Variants in SEMA4F observed in about 807,000 individuals in gnomAD.
SEMA4F encodes ssemaphorin 4F, also known as semaphorin-4F.
Under a neutral mutation model 78.4 loss-of-function variants are expected in SEMA4F, and 51 were observed. The observed-to-expected ratio is 0.65, with a 90% CI of 0.52 to 0.82. The LOEUF (loss-of-function observed/expected upper bound fraction) is 0.82, where lower values mean the gene tolerates loss of function less well. Among genes scored for constraint, SEMA4F ranks in the 40% least tolerant of loss-of-function variants. SEMA4F has a pLI of 0.00. For missense variants in SEMA4F, 938 were observed against 1,014.4 expected, an observed-to-expected ratio of 0.92 and a Z score of 1.02; for synonymous variants, 418 against 408.7, an observed-to-expected ratio of 1.02 and a Z score of -0.27.
In SEMA4F at chr2:74,666,535, C is replaced by T. The variant is rs1573240826; in HGVS notation, c.550+3710C>T. 3.9e-5 allele frequency among the ~76,000 whole-genome samples: 6 copies of T among 152,110 alleles called. No individual in the cohort carries two copies. In the South Asian group the frequency reaches 1.2e-3, roughly 32 times the overall value. On this transcript the variant is annotated intron_variant, in intron 5 of 13. Transcript: ENST00000357877. ...CAGTTAATGTGGAAACTCTATGTCT[C>T]TAGCTGTCTCAGATCCAAATCATAG...
chr2:74,705,298 TA>T, the SEMA4F span, among the ~76,000 whole-genome samples: 1 of 152,202 alleles, frequency 6.6e-6, no homozygotes, highest in African/African-American at 2.4e-5. Context: ...ATTCCACTCT[TA>T]GGAATTTAAT....
intron 4 of SEMA4F, among the ~76,000 whole-genome samples, chr2:74,662,011 G>A (rs190068880): frequency 1.3e-5 from 2 of 152,174 alleles, no homozygotes; most frequent in African/African-American, 4.8e-5. Context: ...CTAGACTAAG[G>A]TAACTTCTGG....
intron 5 of SEMA4F, among the ~76,000 whole-genome samples, chr2:74,667,298 A>G (rs939661416): frequency 1.3e-5 from 2 of 152,258 alleles, no homozygotes; most frequent in Non-Finnish European, 2.9e-5. Flanking sequence ...TTAATTGCAT[A>G]TGAGTCAATC....
intron 9 of SEMA4F, 55 bp downstream of exon 9, chr2:74,675,090 A>G: frequency 1.2e-6 from 2 of 1,613,622 alleles, no homozygotes; most frequent in South Asian, 2.2e-5. Flanking sequence ...TATTAAGGCA[A>G]GAGCCCCACT....
the SEMA4F span, among the ~76,000 whole-genome samples, chr2:74,696,399 T>C: frequency 2.6e-5 from 4 of 152,088 alleles, no homozygotes; most frequent in African/African-American, 9.7e-5. Context: ...GGTTTCATCA[T>C]GTTGGCCAGG....
Position 74,680,601 on chromosome 2 carries a change from T to G in SEMA4F, c.*392T>G, listed in dbSNP as rs1267947597. On this transcript the variant is annotated 3_prime_UTR_variant, in exon 14 of 14. Transcript: ENST00000357877. ...AGCCCTGGAGGTGGTTGGGGGCAAA[T>G]GTGCCCTGAGTCCTTGGGGTGGTTC... The G allele has an allele frequency of 2.3e-5, 4 of 172,318 alleles. No individual in the cohort carries two copies. Among genetic ancestry groups the G allele is most frequent in the Admixed American group, 5.7e-5 (1 of 17,576 alleles). The allele number at this position is 172,318 out of a possible 1,614,324, so 10.7% of individuals were successfully genotyped here. A position where few individuals can be genotyped will look rare whatever the true frequency, so the allele number is the denominator to read the frequency against.
chr2:74,706,557 C>T, the SEMA4F span, among the ~76,000 whole-genome samples: 2 of 152,070 alleles, frequency 1.3e-5, no homozygotes, highest in Non-Finnish European at 2.9e-5. Context: ...AGAGCTTTTC[C>T]CGAAGGCCAA....
downstream of SEMA4F, among the ~76,000 whole-genome samples, chr2:74,687,152 T>G (rs1416724652): frequency 6.6e-6 from 1 of 152,208 alleles, no homozygotes; most frequent in African/African-American, 2.4e-5. Flanking sequence ...TATTTTTACT[T>G]TCCCCTCACT....
chr2:74,705,818 A>C, the SEMA4F span, among the ~76,000 whole-genome samples: 3 of 152,190 alleles, frequency 2.0e-5, no homozygotes, highest in Non-Finnish European at 4.4e-5. Context: ...CTCCTGCCTC[A>C]GCCTCTCAAA....
intron 5 of SEMA4F, 107 bp from the exon 6 acceptor site, chr2:74,673,350 T>C (rs993267497): frequency 5.9e-6 from 8 of 1,353,112 alleles, no homozygotes; most frequent in Non-Finnish European, 7.2e-6. Context: ...CATGGGTGTT[T>C]AGTCCCTGAG....
At chr2:74,700,890 T>C in the SEMA4F span, among the ~76,000 whole-genome samples, 3 of 152,228 alleles carry the variant, frequency 2.0e-5, no homozygotes, top group Non-Finnish European at 2.9e-5. Flanking sequence ...GAATTCCTGG[T>C]TCCTGCTTTC....
the SEMA4F span, among the ~76,000 whole-genome samples, chr2:74,702,052 C>G: frequency 2.6e-5 from 4 of 152,162 alleles, no homozygotes; most frequent in African/African-American, 4.8e-5. Flanking sequence ...ACACTGAGAT[C>G]TCTCCATGGC....
chr2:74,688,126 G>A (rs1017379435), downstream of SEMA4F, among the ~76,000 whole-genome samples: 5 of 152,168 alleles, frequency 3.3e-5, no homozygotes, highest in African/African-American at 1.2e-4. Flanking sequence ...AACTTGCTCA[G>A]GTCATACAGT....
rs749231941 is a variant in SEMA4F, at chr2:74,674,569, A to G, written c.894A>G (p.Pro298=). 4 of 1,614,146 alleles carry G rather than the reference A, an allele frequency of 2.5e-6. No individual in the cohort carries two copies. Among genetic ancestry groups the G allele is most frequent in the Non-Finnish European group, 3.4e-6 (4 of 1,180,024 alleles). The stretch of plus-strand genomic sequence containing the variant: ...TTTTGAAAGCTGACCTGCTCTGTCC[A>G]GGGCCTGAGCATGGCCGGGCCTCCA... The part of the protein sequence containing the change: ...TTFLKADLLC[P]GPEHGRASSV... Residue 298 remains proline, a synonymous_variant, in exon 8 of 14, where the codon CCA becomes CCG. Transcript: ENST00000357877.
chr2:74,670,454 G>A (rs148492342), intron 5 of SEMA4F, among the ~76,000 whole-genome samples: 9 of 152,136 alleles, frequency 5.9e-5, no homozygotes, highest in Admixed American at 3.9e-4. Context: ...GAGTGACTGC[G>A]CACTTCTCAG....
rs758561874 is a variant in SEMA4F, at chr2:74,656,531, C to T, written c.146-3C>T. On this transcript the variant is annotated splice_polypyrimidine_tract_variant and splice_region_variant and intron_variant, in intron 1 of 13. Coordinates refer to ENST00000357877, the MANE Select transcript of SEMA4F (RefSeq NM_004263.5). ...TAACATCACTCTCCTCTCTTCCTGC[C>T]AGAGGCTGACTCCTGTCTCACCCGG... 6.2e-7 allele frequency: 1 copy of T among 1,613,032 alleles called. No individual in the cohort carries two copies. Among genetic ancestry groups the T allele is most frequent in the African/African-American group, 1.3e-5 (1 of 74,900 alleles).
chr2:74,696,285 G>A, the SEMA4F span, among the ~76,000 whole-genome samples: 291 of 137,662 alleles, frequency 2.1e-3, 1 homozygote, highest in South Asian at 6.1e-3. Context: ...AACCTCCACC[G>A]CCCAGGTTCA....
intron 5 of SEMA4F, among the ~76,000 whole-genome samples, chr2:74,673,254 G>C (rs1159140621): frequency 6.6e-6 from 1 of 152,066 alleles, no homozygotes; most frequent in Non-Finnish European, 1.5e-5. Context: ...CTTAATCCTG[G>C]TTTCCCTGAC....
chr2:74,659,129 C>A (rs532571670), intron 4 of SEMA4F, among the ~76,000 whole-genome samples: 1 of 152,186 alleles, frequency 6.6e-6, no homozygotes. Context: ...TGGAAAGGTT[C>A]GCAGTTCAGG....
Sources: allele counts gnomAD v4.1 joint callset (sites outside exome capture counted in the v4.1 genomes callset), GRCh38; gene constraint gnomAD v4.1.1; transcripts MANE v1.5; gene names NCBI Gene and HGNC (gene_info 2026-07-23, HGNC 2026-07-21).